CHD8: variants seen among roughly 807,000 people sequenced by gnomAD.
CHD8 encodes ATP-dependent chromatin remodeler CHD8.
CHD8 carries 31 observed loss-of-function variants against 279.2 expected under a neutral mutation model. The ratio of observed to expected loss-of-function variants is 0.11; its 90% CI spans 0.08 to 0.15. The LOEUF (loss-of-function observed/expected upper bound fraction) is 0.15, where lower values mean the gene tolerates loss of function less well. Ranked by LOEUF, CHD8 falls within the 10% of genes least tolerant of loss-of-function variation. The pLI is 1.00. For synonymous variants in CHD8, 1,081 were observed against 1,139.6 expected, an observed-to-expected ratio of 0.95 and a Z score of 1.04; for missense variants, 2,146 against 3,230.5, an observed-to-expected ratio of 0.66 and a Z score of 8.14.
At chr14:21,394,729 C>T (rs560330446) in intron 30 of CHD8, 183 bp downstream of exon 30, 7 of 663,162 alleles carry the variant, frequency 1.1e-5, no homozygotes, top group Middle Eastern at 4.1e-4. Context: ...CACAGGAGAC[C>T]TACCTGAGAG....
At chr14:21,436,758 G>A (rs1454183828) in intron 1 of CHD8, 1 of 365,568 alleles carries the variant, frequency 2.7e-6, no homozygotes, top group East Asian at 7.6e-5. Context: ...GACAGCTAAA[G>A]ACATGTATTT....
chr14:21,406,784 G>A, intron 14 of CHD8, 72 bp downstream of exon 14: 2 of 1,341,630 alleles, frequency 1.5e-6, no homozygotes, highest in South Asian at 2.9e-5. Flanking sequence ...GCTAAACTAG[G>A]GTTATTTTAA....
chr14:21,393,899 G>C lies in CHD8; in HGVS notation c.5896C>G (p.Gln1966Glu), dbSNP rs1285034833. ...GCTGGTGCTCCTGCTTGATGGTTCTGCATATAATTCATACGGGCAGCCAGA... is the reference window on the plus strand; with the variant it reads ...GCTGGTGCTCCTGCTTGATGGTTCTCCATATAATTCATACGGGCAGCCAGA... ...SFLAARMNYM[Q>E]NHQAGAPAPS... Residue 1966 changes from glutamine (Q) to glutamate (E), a missense_variant, in exon 32 of 38, where the codon CAG becomes GAG. Gln to Glu is a conservative substitution (Grantham distance 29). Transcript: ENST00000646647. 1 of 1,613,854 alleles carries C rather than the reference G, an allele frequency of 6.2e-7. No individual in the cohort carries two copies. Among genetic ancestry groups the C allele is most frequent in the Non-Finnish European group, 8.5e-7 (1 of 1,179,900 alleles).
At chr14:21,425,903 T>G in intron 5 of CHD8, 1 of 490,996 alleles carries the variant, frequency 2.0e-6, no homozygotes, top group Non-Finnish European at 3.6e-6. Context: ...GCCACTGCAC[T>G]TCAGGCCTGG....
Position 21,394,374 on chromosome 14 carries a change from T to A in CHD8, c.5502A>T (p.Arg1834=), listed in dbSNP as rs769468666. The change falls in exon 31 of 38, where the codon CGA becomes CGT. Residue 1834 remains arginine, a synonymous_variant. Transcript: ENST00000646647. The stretch of plus-strand genomic sequence containing the variant: ...GGCTTTCATCTGTCTTTTTGTCTAG[T>A]CGAGCAAAAGTGCGGAAGCGATCCC... The part of the protein sequence containing the change: ...FHWDRFRTFA[R]LDKKTDESLT... 1.9e-6 allele frequency: 3 copies of A among 1,613,916 alleles called. No homozygotes were observed. Among genetic ancestry groups the A allele is most frequent in the Non-Finnish European group, 2.5e-6 (3 of 1,179,866 alleles).
At chr14:21,397,383 T>C (rs1887835559) in intron 27 of CHD8, 2 of 518,182 alleles carry the variant, frequency 3.9e-6, no homozygotes, top group Admixed American at 1.9e-5. Context: ...AGTATTAGCA[T>C]GGCAACTCAT....
intron 10 of CHD8, among the ~76,000 whole-genome samples, chr14:21,410,391 G>A (rs771285341): frequency 1.5e-4 from 23 of 152,150 alleles, no homozygotes; most frequent in Non-Finnish European, 3.1e-4. Context: ...TTTAGGATGA[G>A]GACTATCAGC....
rs774260771 is a variant in CHD8, at chr14:21,401,029, G to A, written c.4216C>T (p.Arg1406Cys). The change falls in exon 22 of 38, where the codon CGC (arginine) becomes TGC (cysteine). Residue 1406 changes from arginine (R) to cysteine (C), a missense_variant. Physicochemically the swap from Arg to Cys is radical, Grantham distance 180. Around this residue, in one of 26 missense-constraint regions of CHD8, gnomAD observed 74 missense variants for 91.5 expected, o/e 0.81. Coordinates refer to ENST00000646647, the MANE Select transcript of CHD8 (RefSeq NM_001170629.2). Reference sequence around the variant, plus strand: ...TCATCTTTCAGAGTGCTAAAGTGGCGCGTTTGTTTTCGTACTCTAGGTGTG... The same window carrying A: ...TCATCTTTCAGAGTGCTAAAGTGGCACGTTTGTTTTCGTACTCTAGGTGTG... ...IDTPRVRKQTRHFSTLKDDDL... is the reference protein window; with the variant it reads ...IDTPRVRKQTCHFSTLKDDDL... 15 of 1,613,298 alleles carry A rather than the reference G, an allele frequency of 9.3e-6. No individual in the cohort carries two copies. The highest frequency in any genetic ancestry group is 1.7e-5 in the Admixed American group (1 of 59,834).
In CHD8 at chr14:21,385,792, T is replaced by C. The variant is rs559491809; in HGVS notation, c.7567A>G (p.Thr2523Ala). ...APGYPSSPVTTASGTTLRLPP... is the reference protein window; with the variant it reads ...APGYPSSPVTAASGTTLRLPP... ...AACCGCAAGGTAGTACCAGAGGCGG[T>C]AGTCACTGGTGAAGAGGGGTAGCCA... is the stretch of plus-strand genomic sequence containing the variant. Residue 2523 changes from threonine (T) to alanine (A), a missense_variant, in exon 38 of 38, where the codon ACC becomes GCC. By Grantham distance (58) the Thr-to-Ala change is moderately conservative. Coordinates refer to ENST00000646647, the MANE Select transcript of CHD8 (RefSeq NM_001170629.2). 2.8e-5 allele frequency: 43 copies of C among 1,544,634 alleles called. No individual in the cohort carries two copies. Among genetic ancestry groups the C allele is most frequent in the Non-Finnish European group, 3.7e-5 (42 of 1,146,220 alleles).
Position 21,414,931 on chromosome 14 carries a change from C to T in CHD8, c.2024+7G>A, listed in dbSNP as rs1888650323. ...GGGGTGACAAGCTTTTTGCACAGAT[C>T]ACGTACTAGTTCTTGTACTTGACAA... On this transcript the variant is annotated splice_region_variant and intron_variant, in intron 8 of 37. Coordinates refer to ENST00000646647, the MANE Select transcript of CHD8 (RefSeq NM_001170629.2). 2 of 1,599,930 alleles carry T rather than the reference C, an allele frequency of 1.3e-6. No homozygotes were observed. Among genetic ancestry groups the T allele is most frequent in the East Asian group, 4.5e-5 (2 of 44,676 alleles).
At chr14:21,446,229 A>G (rs1308635943) in intron 1 of CHD8, among the ~76,000 whole-genome samples, 1 of 152,170 alleles carries the variant, frequency 6.6e-6, no homozygotes, top group Non-Finnish European at 1.5e-5. Context: ...TTCCCAGACT[A>G]GTAACAGCTA....
Position 21,402,576 on chromosome 14 carries a change from C to T in CHD8, c.3715-73G>A. 1 of 1,376,066 alleles carries T rather than the reference C, an allele frequency of 7.3e-7. No homozygotes were observed. Among genetic ancestry groups the T allele is most frequent in the Non-Finnish European group, 9.8e-7 (1 of 1,023,102 alleles). 85.2% of individuals were successfully genotyped at this position (1,376,066 alleles called of 1,614,324 possible). On this transcript the variant is annotated intron_variant, in intron 18 of 37. Transcript: ENST00000646647. The surrounding 1 kb of genome is among the most constrained non-coding windows in gnomAD (Gnocchi z 4.5). ...TAGCAAGGGAAAGGATACAAAATAC[C>T]AATTTATGATTCTTTCACCTCTATA...
chr14:21,424,114 C>A (rs1889184452), intron 5 of CHD8, among the ~76,000 whole-genome samples: 1 of 152,194 alleles, frequency 6.6e-6, no homozygotes, highest in Non-Finnish European at 1.5e-5. Flanking sequence ...CGGACAGTTA[C>A]TTTAAAATGT....
chr14:21,429,411 T>C, intron 2 of CHD8, 76 bp from the exon 3 acceptor site: 3 of 1,439,376 alleles, frequency 2.1e-6, no homozygotes, highest in Admixed American at 3.3e-5. Context: ...ACCAGTTTTC[T>C]TCATGCTAGA....
In CHD8 at chr14:21,401,410, T is replaced by G. The variant is rs771905862; in HGVS notation, c.4166A>C (p.Asn1389Thr). The part of the protein sequence containing the change: ...KKADLDMDLL[N>T]SKNNLVIDTP... Reference sequence around the variant, plus strand: ...CTAAAAGAAGAAACTCACCTTGCTGTTGAGCAGATCCATGTCTAGGTCAGC... The same window carrying G: ...CTAAAAGAAGAAACTCACCTTGCTGGTGAGCAGATCCATGTCTAGGTCAGC... The change falls in exon 21 of 38, where the codon AAC becomes ACC. Residue 1389 changes from asparagine (N) to threonine (T), a missense_variant. By Grantham distance (65) the Asn-to-Thr change is moderately conservative (BLOSUM62 0). Coordinates refer to ENST00000646647, the MANE Select transcript of CHD8 (RefSeq NM_001170629.2). 1 of 1,581,798 alleles carries G rather than the reference T, an allele frequency of 6.3e-7. No individual in the cohort carries two copies. Among genetic ancestry groups the G allele is most frequent in the Non-Finnish European group, 8.6e-7 (1 of 1,164,120 alleles).
chr14:21,432,152 C>G lies in CHD8; in HGVS notation c.-215-294G>C, dbSNP rs1889591370. Among the ~76,000 whole-genome samples, 7 of 152,244 alleles carry G rather than the reference C, an allele frequency of 4.6e-5. No individual in the cohort carries two copies. In the South Asian group the frequency reaches 1.5e-3, roughly 32 times the overall value. ...TCCGTTTCTTTTAACAATTATTATT[C>G]TTTGGTAAAGATAAAATTTAATATT... On this transcript the variant is annotated intron_variant, in intron 1 of 37. Coordinates refer to ENST00000646647, the MANE Select transcript of CHD8 (RefSeq NM_001170629.2).
chr14:21,415,504 CAAAA>C, intron 7 of CHD8, 66 bp downstream of exon 7: 1 of 739,982 alleles, frequency 1.4e-6, no homozygotes. Flanking sequence ...GACTCTATTT[CAAAA>C]ATAAATAAAT....
At chr14:21,452,853 G>A (rs1437644094) in intron 1 of CHD8, among the ~76,000 whole-genome samples, 1 of 150,940 alleles carries the variant, frequency 6.6e-6, no homozygotes, top group Non-Finnish European at 1.5e-5. Context: ...GCATGGTGGT[G>A]CGCGCCTGTA....
chr14:21,400,820 C>A lies in CHD8; in HGVS notation c.4370+55G>T. 6.7e-7 allele frequency: 1 copy of A among 1,487,930 alleles called. No individual in the cohort carries two copies. Among genetic ancestry groups the A allele is most frequent in the South Asian group, 1.3e-5 (1 of 75,274 alleles). 92.2% of individuals were successfully genotyped at this position (1,487,930 alleles called of 1,614,324 possible). ...AATTTGAAAGGCAAACCAAGAGTATCTATCAGGATGGAGATGCACTATGCA... is the reference window on the plus strand; with the variant it reads ...AATTTGAAAGGCAAACCAAGAGTATATATCAGGATGGAGATGCACTATGCA... On this transcript the variant is annotated intron_variant, in intron 22 of 37. Coordinates refer to ENST00000646647, the MANE Select transcript of CHD8 (RefSeq NM_001170629.2). This position sits in a 1 kb window ranked among gnomAD's most constrained non-coding sequence, Gnocchi z 4.2.
Sources: allele counts gnomAD v4.1 joint callset (sites outside exome capture counted in the v4.1 genomes callset), GRCh38; gene constraint gnomAD v4.1.1; regional missense constraint gnomAD v4.1.1; non-coding constraint Gnocchi (gnomAD v3.1); transcripts MANE v1.5; gene names NCBI Gene and HGNC (gene_info 2026-07-23, HGNC 2026-07-21).